The following RAP2A variants were observed in gnomAD, a reference collection of about 807,000 sequenced individuals.
RAP2A encodes the protein RAP2A, member of RAS oncogene family, also known as ras-related protein Rap-2a.
In RAP2A, 5 loss-of-function variants were observed where a neutral mutation model predicts 15.1. That is an observed-to-expected ratio of 0.33 (90% CI 0.17 to 0.70). RAP2A has a LOEUF of 0.70. RAP2A is among the 30% of genes least tolerant of loss of function. The pLI, the probability that RAP2A is intolerant of heterozygous loss-of-function variation, is 0.68. For missense variants in RAP2A, 111 were observed against 240.3 expected (o/e 0.46, Z 3.56); for synonymous variants, 110 against 99.7 (o/e 1.10, Z -0.62).
At position 97,434,591 on chromosome 13, in the gene RAP2A, C is replaced by T. The variant is rs745990195; in HGVS notation, c.121C>T (p.Arg41Cys). Residue 41 changes from arginine to cysteine, a missense_variant, in exon 1 of 2, where the codon CGC becomes TGC. Arg to Cys is a radical substitution (Grantham distance 180). Coordinates refer to ENST00000245304, the MANE Select transcript of RAP2A (RefSeq NM_021033.7). ...CGACCCCACCATCGAGGACTTCTAC[C>T]GCAAGGAGATCGAGGTGGATTCGTC... ...KYDPTIEDFY[R>C]KEIEVDSSPS... is the part of the protein sequence containing the mutation. The T allele has an allele frequency of 6.2e-7, 1 of 1,614,138 alleles. No homozygotes were observed. The highest frequency in any genetic ancestry group is 8.5e-7 in the Non-Finnish European group (1 of 1,180,016).
At chr13:97,459,673 T>C (rs1224957481) in intron 1 of RAP2A, among the ~76,000 whole-genome samples, 1 of 152,210 alleles carries the variant, frequency 6.6e-6, no homozygotes, top group East Asian at 1.9e-4. Context: ...CCTTCCCATC[T>C]TTGTTCACAG....
At chr13:97,452,563 T>C (rs2066706109) in intron 1 of RAP2A, among the ~76,000 whole-genome samples, 1 of 151,146 alleles carries the variant, frequency 6.6e-6, no homozygotes, top group African/African-American at 2.4e-5. Context: ...CCAGCTTTGT[T>C]TTTCAGATTT....
chr13:97,451,070 T>C (rs1280946377), intron 1 of RAP2A, among the ~76,000 whole-genome samples: 1 of 152,188 alleles, frequency 6.6e-6, no homozygotes, highest in East Asian at 1.9e-4. Flanking sequence ...AAGTTTAAAA[T>C]TGGTTAGTGA....
At chr13:97,439,323 AG>A (rs991266430) in intron 1 of RAP2A, among the ~76,000 whole-genome samples, 12 of 152,224 alleles carry the variant, frequency 7.9e-5, no homozygotes, top group Non-Finnish European at 1.3e-4. Context: ...GTTTCATAAC[AG>A]GAAGAATAGT....
intron 1 of RAP2A, chr13:97,437,183 G>A (rs2066637695): frequency 6.6e-6 from 1 of 152,078 alleles, no homozygotes; most frequent in African/African-American, 2.4e-5. Context: ...ATTTAAAATA[G>A]AATCATTTTG....
intron 1 of RAP2A, among the ~76,000 whole-genome samples, chr13:97,437,889 T>C (rs1156586498): frequency 6.6e-6 from 1 of 152,192 alleles, no homozygotes; most frequent in African/African-American, 2.4e-5. Flanking sequence ...TTTTCAAGGA[T>C]TGCTATTACT....
chr13:97,466,890 A>G lies in RAP2A; in HGVS notation c.*2448A>G, dbSNP rs1023804911. The G allele has an allele frequency of 6.6e-6, 1 of 152,222 alleles. No individual in the cohort carries two copies. Among genetic ancestry groups the G allele is most frequent in the Non-Finnish European group, 1.5e-5 (1 of 68,034 alleles). The allele number at this position is 152,222 out of a possible 1,614,324, so 9.4% of individuals were successfully genotyped here. On this transcript the variant is annotated 3_prime_UTR_variant, in exon 2 of 2. Transcript: ENST00000245304. ...GGAAATTCATATCCATCTGGTATGA[A>G]TATATAACTCAGCTGGCAAATGAAT...
chr13:97,456,221 T>C (rs2066722243), intron 1 of RAP2A, among the ~76,000 whole-genome samples: 1 of 151,970 alleles, frequency 6.6e-6, no homozygotes, highest in South Asian at 2.1e-4. Context: ...CCCAGAGTTC[T>C]AATTGTCTGT....
chr13:97,435,608 C>T (rs1284053677), intron 1 of RAP2A, among the ~76,000 whole-genome samples: 1 of 151,008 alleles, frequency 6.6e-6, no homozygotes, highest in Admixed American at 6.6e-5. Context: ...TATATAAATT[C>T]TTTTCTAAAG....
intron 1 of RAP2A, among the ~76,000 whole-genome samples, chr13:97,444,136 C>T (rs1028264486): frequency 3.3e-5 from 5 of 152,068 alleles, no homozygotes; most frequent in Non-Finnish European, 7.4e-5. Flanking sequence ...CCATTGCTTT[C>T]TCCTCTGTGT....
At chr13:97,443,649 C>T (rs997738673) in intron 1 of RAP2A, among the ~76,000 whole-genome samples, 2 of 152,206 alleles carry the variant, frequency 1.3e-5, no homozygotes, top group African/African-American at 4.8e-5. Context: ...ACCTCAACTG[C>T]CCAAAGCACT....
In RAP2A at chr13:97,458,345, C is replaced by T. The variant is rs569107522; in HGVS notation, c.315-5860C>T. The stretch of plus-strand genomic sequence containing the variant: ...AGTATGACCTTCTTTAAATACGCTA[C>T]GATGCAGCACCCTCAAAAGTAAAGT... On this transcript the variant is annotated intron_variant, in intron 1 of 1. Coordinates refer to ENST00000245304, the MANE Select transcript of RAP2A (RefSeq NM_021033.7). Among the ~76,000 whole-genome samples, 8 of 152,188 alleles carry T rather than the reference C, an allele frequency of 5.3e-5. No individual in the cohort carries two copies. The East Asian group carries it at 5.8e-4, about 11-fold the overall frequency.
intron 1 of RAP2A, among the ~76,000 whole-genome samples, chr13:97,450,830 T>G (rs1159275193): frequency 1.3e-5 from 2 of 152,186 alleles, no homozygotes; most frequent in Non-Finnish European, 2.9e-5. Context: ...AAATGTAGTT[T>G]TATTATATTC....
In RAP2A at chr13:97,434,386, CGCCGGG is replaced by C. The variant is rs1264193823; in HGVS notation, c.-76_-71del. The C allele has an allele frequency of 5.3e-5, 53 of 996,624 alleles. No homozygotes were observed. Among genetic ancestry groups the C allele is most frequent in the Non-Finnish European group, 6.2e-5 (52 of 836,636 alleles). The allele number at this position is 996,624 out of a possible 1,614,324, so 61.7% of individuals were successfully genotyped here. On this transcript the variant is annotated 5_prime_UTR_variant, in exon 1 of 2. Transcript: ENST00000245304. ...GGCAGCGGGAGGCGGCGGGGCGGGCCGCCGGGGCCGGGGCTGGGGGCGCAGCGCGGC... is the reference window on the plus strand; with the variant it reads ...GGCAGCGGGAGGCGGCGGGGCGGGCCGCCGGGGCTGGGGGCGCAGCGCGGC...
intron 1 of RAP2A, among the ~76,000 whole-genome samples, chr13:97,457,889 A>AT (rs71739776): frequency 0.041 from 6,255 of 152,238 alleles, 205 homozygotes; most frequent in African/African-American, 0.088. Flanking sequence ...AGGGACCTAT[A>AT]TCATGTTGGA....
intron 1 of RAP2A, among the ~76,000 whole-genome samples, chr13:97,456,848 A>G (rs1289317071): frequency 1.3e-5 from 2 of 152,168 alleles, no homozygotes; most frequent in African/African-American, 4.8e-5. Context: ...ATGCCCTTTT[A>G]AGATGAAATA....
At chr13:97,460,693 C>T (rs2153180377) in intron 1 of RAP2A, among the ~76,000 whole-genome samples, 1 of 152,302 alleles carries the variant, frequency 6.6e-6, no homozygotes, top group East Asian at 1.9e-4. Flanking sequence ...GGACCCTATT[C>T]TGTCACCCCA....
At chr13:97,458,005 G>C (rs9584581) in intron 1 of RAP2A, among the ~76,000 whole-genome samples, 6,251 of 152,174 alleles carry the variant, frequency 0.041, 201 homozygotes, top group African/African-American at 0.088. Context: ...CTTTTAAACT[G>C]TGACTTTTTA....
At chr13:97,446,550 G>A (rs1323718383) in intron 1 of RAP2A, among the ~76,000 whole-genome samples, 2 of 152,176 alleles carry the variant, frequency 1.3e-5, no homozygotes, top group African/African-American at 4.8e-5. Context: ...TGTGCTGCCT[G>A]TTAAGACTGT....
Sources: gnomAD v4.1 joint callset for allele counts (sites outside exome capture counted in the v4.1 genomes callset) on GRCh38, gnomAD v4.1.1 for gene constraint, MANE v1.5 for transcripts, NCBI Gene and HGNC (gene_info 2026-07-23, HGNC 2026-07-21) for gene names.